Variants in GFOD1 observed in about 807,000 individuals in gnomAD.
GFOD1 encodes Gfo/Idh/MocA-like oxidoreductase domain containing 1, also known as glucose-fructose oxidoreductase domain-containing protein 1.
A neutral mutation model predicts 25.4 loss-of-function variants in GFOD1; 9 were observed. The ratio of observed to expected loss-of-function variants is 0.35; its 90% CI spans 0.21 to 0.62. The LOEUF is 0.62. Among genes scored for constraint, GFOD1 ranks in the 20% least tolerant of loss-of-function variants. The pLI, the probability that GFOD1 is intolerant of heterozygous loss-of-function variation, is 0.72. For missense variants in GFOD1, 403 were observed against 556.9 expected (o/e 0.72, Z 2.78); for synonymous variants, 253 against 245.6 (o/e 1.03, Z -0.28).
intron 1 of GFOD1, among the ~76,000 whole-genome samples, chr6:13,376,672 C>T (rs1378203102): frequency 2.0e-5 from 3 of 152,176 alleles, no homozygotes; most frequent in Non-Finnish European, 4.4e-5. Flanking sequence ...TACCCACCCA[C>T]CTAAGAGGAT....
chr6:13,393,151 T>A (rs1378644517), intron 1 of GFOD1, among the ~76,000 whole-genome samples: 2 of 151,812 alleles, frequency 1.3e-5, no homozygotes, highest in African/African-American at 4.8e-5. Context: ...AGGTCAGGAT[T>A]TCAAGACCAG....
At chr6:13,458,242 C>T (rs967372348) in intron 1 of GFOD1, among the ~76,000 whole-genome samples, 5 of 151,962 alleles carry the variant, frequency 3.3e-5, no homozygotes, top group African/African-American at 4.8e-5. Context: ...CCCAGCCTCC[C>T]GAGTAGCTGG....
intron 1 of GFOD1, among the ~76,000 whole-genome samples, chr6:13,452,200 A>G (rs1158059137): frequency 6.6e-6 from 1 of 152,118 alleles, no homozygotes; most frequent in Non-Finnish European, 1.5e-5. Context: ...CCGAGACTGG[A>G]TCATATTGAG....
chr6:13,420,406 G>A (rs1786236000), intron 1 of GFOD1, among the ~76,000 whole-genome samples: 1 of 152,104 alleles, frequency 6.6e-6, no homozygotes, highest in South Asian at 2.1e-4. Flanking sequence ...CCAATTCTTG[G>A]GCATCTTTCC....
In GFOD1 at chr6:13,360,078, T is replaced by G. The variant is rs1394896809; in HGVS notation, c.*4665A>C. 6.5e-6 allele frequency: 1 copy of G among 152,680 alleles called. No individual in the cohort carries two copies. Among genetic ancestry groups the G allele is most frequent in the East Asian group, 1.9e-4 (1 of 5,208 alleles). The allele number at this position is 152,680 out of a possible 1,614,324, so 9.5% of individuals were successfully genotyped here. A position where few individuals can be genotyped will look rare whatever the true frequency, so the allele number is the denominator to read the frequency against. On this transcript the variant is annotated 3_prime_UTR_variant, in exon 2 of 2. Coordinates refer to ENST00000379287, the MANE Select transcript of GFOD1 (RefSeq NM_018988.4). ...ACAAGTCACTTCATCTCTCTGAGCC[T>G]CCTTTCCCTAGAGCTCTGGAGGTGC...
intron 1 of GFOD1, among the ~76,000 whole-genome samples, chr6:13,389,508 C>T (rs536366449): frequency 6.6e-6 from 1 of 151,830 alleles, no homozygotes; most frequent in Non-Finnish European, 1.5e-5. Flanking sequence ...CAAACTATCA[C>T]AAGGACAGAA....
At chr6:13,459,965 C>T (rs904127112) in intron 1 of GFOD1, among the ~76,000 whole-genome samples, 1 of 152,162 alleles carries the variant, frequency 6.6e-6, no homozygotes, top group Non-Finnish European at 1.5e-5. Context: ...GAAACCCCAT[C>T]TCTACTAAAA....
At chr6:13,428,829 G>A (rs1186796745) in intron 1 of GFOD1, among the ~76,000 whole-genome samples, 2 of 152,308 alleles carry the variant, frequency 1.3e-5, no homozygotes, top group South Asian at 2.1e-4. Context: ...CATCAGAAGC[G>A]GACTTTCTGA....
At chr6:13,472,103 T>A (rs1437445225) in intron 1 of GFOD1, 1 of 157,676 alleles carries the variant, frequency 6.3e-6, no homozygotes, top group Non-Finnish European at 1.4e-5. Flanking sequence ...ACCCATCAGA[T>A]CTCGTGAGAC....
chr6:13,389,204 G>A (rs1584620771), intron 1 of GFOD1, among the ~76,000 whole-genome samples: 2 of 152,304 alleles, frequency 1.3e-5, no homozygotes, highest in Admixed American at 6.5e-5. Context: ...AGACAGTGTG[G>A]CAATTCATCA....
At chr6:13,443,917 C>T (rs1280410097) in intron 1 of GFOD1, among the ~76,000 whole-genome samples, 1 of 151,926 alleles carries the variant, frequency 6.6e-6, no homozygotes, top group Non-Finnish European at 1.5e-5. Context: ...GGACCCTCTA[C>T]CGGCAAAAGG....
intron 1 of GFOD1, among the ~76,000 whole-genome samples, chr6:13,382,358 G>T (rs1409053395): frequency 7.1e-6 from 1 of 140,334 alleles, no homozygotes; most frequent in East Asian, 2.2e-4. Context: ...GGGGGGGGGG[G>T]TTCTTTTCCA....
chr6:13,476,820 T>C (rs1241270681), intron 1 of GFOD1, among the ~76,000 whole-genome samples: 1 of 152,178 alleles, frequency 6.6e-6, no homozygotes, highest in Non-Finnish European at 1.5e-5. Flanking sequence ...CAGTAGGATA[T>C]CAACAATTCT....
intron 1 of GFOD1, chr6:13,469,453 C>T: frequency 1.0e-6 from 1 of 988,190 alleles, no homozygotes; most frequent in Non-Finnish European, 1.2e-6. Flanking sequence ...AGTTCCAGTT[C>T]AGTCACCATT....
intron 1 of GFOD1, chr6:13,470,033 G>C: frequency 7.3e-7 from 1 of 1,369,576 alleles, no homozygotes; most frequent in Non-Finnish European, 9.8e-7. Flanking sequence ...CCATGACTGA[G>C]AATATTTCCT....
chr6:13,458,757 CAAAAAAAAAAAAA>C (rs5874418), intron 1 of GFOD1, among the ~76,000 whole-genome samples: 13 of 57,182 alleles, frequency 2.3e-4, no homozygotes, highest in Admixed American at 3.6e-4. Flanking sequence ...TCCCCTTGAG[CAAAAAAAAAAAAA>C]AAAAAAAAAA....
rs1261172596 is a variant in GFOD1 at position 13,487,187 on chromosome 6, G to C, written c.-297C>G. On this transcript the variant is annotated 5_prime_UTR_variant, in exon 1 of 2. Coordinates refer to ENST00000379287, the MANE Select transcript of GFOD1 (RefSeq NM_018988.4). This position sits in a 1 kb window ranked among gnomAD's most constrained non-coding sequence, Gnocchi z 4.9. The stretch of plus-strand genomic sequence containing the variant: ...GCGCCGGAGGCTTCGAAGCCCCCTG[G>C]AGCCCCGGCTCAGGCTGCGCTCCCG... 1 of 345,510 alleles carries C rather than the reference G, an allele frequency of 2.9e-6. No individual in the cohort carries two copies. The highest frequency in any genetic ancestry group is 5.2e-6 in the Non-Finnish European group (1 of 192,510). The allele number at this position is 345,510 out of a possible 1,614,324, so 21.4% of individuals were successfully genotyped here. A position where few individuals can be genotyped will look rare whatever the true frequency, so the allele number is the denominator to read the frequency against.
At chr6:13,391,511 C>CAAAAAAAAAAAA (rs57340590) in intron 1 of GFOD1, among the ~76,000 whole-genome samples, 42 of 108,648 alleles carry the variant, frequency 3.9e-4, no homozygotes, top group South Asian at 6.5e-4. Flanking sequence ...AACAAACAAA[C>CAAAAAAAAAAAA]AAAAAAAAAA....
At chr6:13,443,965 T>C (rs1757959713) in intron 1 of GFOD1, among the ~76,000 whole-genome samples, 1 of 152,074 alleles carries the variant, frequency 6.6e-6, no homozygotes, top group Non-Finnish European at 1.5e-5. Flanking sequence ...TCATTCGCAT[T>C]TTGTAGCAAA....
Sources: gnomAD v4.1 joint callset for allele counts (sites outside exome capture counted in the v4.1 genomes callset) on GRCh38, gnomAD v4.1.1 for gene constraint, Gnocchi (gnomAD v3.1) non-coding constraint, MANE v1.5 for transcripts, NCBI Gene and HGNC (gene_info 2026-07-23, HGNC 2026-07-21) for gene names.